Variants in RIMS2 observed in about 807,000 individuals in gnomAD.
RIMS2 encodes the protein regulating synaptic membrane exocytosis protein 2.
In RIMS2, 59 loss-of-function variants were observed where a neutral mutation model predicts 174.4. That is an observed-to-expected ratio of 0.34 (90% CI 0.27 to 0.42). The LOEUF (loss-of-function observed/expected upper bound fraction) is 0.42. RIMS2 is among the 10% of genes least tolerant of loss of function. The probability of loss-of-function intolerance (pLI) is 1.00; values close to 1 mark genes in which losing one functional copy is unlikely to be tolerated. For synonymous variants in RIMS2, 606 were observed against 572.5 expected (o/e 1.06, Z -0.84); for missense variants, 1,620 against 1,666.3 (o/e 0.97, Z 0.48).
At chr8:103,822,084 G>GA (rs11451973) in intron 3 of RIMS2, among the ~76,000 whole-genome samples, 115,490 of 151,366 alleles carry the variant, frequency 0.76, 44,189 homozygotes, top group East Asian at 0.88. Context: ...TAAATTGATA[G>GA]AAAAAAGCCA....
intron 19 of RIMS2, among the ~76,000 whole-genome samples, chr8:104,229,970 A>G (rs376409862): frequency 2.0e-5 from 3 of 152,164 alleles, no homozygotes; most frequent in Non-Finnish European, 4.4e-5. Flanking sequence ...AAAGGATTTG[A>G]AGTACCATTT....
intron 1 of RIMS2, among the ~76,000 whole-genome samples, chr8:103,660,217 C>T (rs999868889): frequency 1.2e-4 from 19 of 152,210 alleles, no homozygotes; most frequent in Non-Finnish European, 2.6e-4. Context: ...CTGGCCACTG[C>T]ATATCATGGC....
At chr8:103,757,399 C>A (rs1309248053) in intron 2 of RIMS2, among the ~76,000 whole-genome samples, 2 of 151,988 alleles carry the variant, frequency 1.3e-5, no homozygotes, top group Non-Finnish European at 2.9e-5. Context: ...ACTATTCTTG[C>A]ATCTTTGGTT....
chr8:104,107,650 T>C (rs1052434248), intron 19 of RIMS2, among the ~76,000 whole-genome samples: 6 of 152,214 alleles, frequency 3.9e-5, no homozygotes, highest in Non-Finnish European at 7.4e-5. Flanking sequence ...CAAAAGTTTT[T>C]AAATAGTCCA....
At chr8:103,834,070 G>A (rs2098842378) in intron 3 of RIMS2, among the ~76,000 whole-genome samples, 1 of 151,932 alleles carries the variant, frequency 6.6e-6, no homozygotes, top group Admixed American at 6.6e-5. Context: ...AGTGCAGTCT[G>A]GTGATCAGAG....
chr8:104,173,593 T>C (rs551761652), intron 19 of RIMS2, among the ~76,000 whole-genome samples: 30 of 149,212 alleles, frequency 2.0e-4, no homozygotes, highest in African/African-American at 6.6e-4. Context: ...CTTAAAATAT[T>C]TACTACCTTA....
intron 19 of RIMS2, among the ~76,000 whole-genome samples, chr8:104,237,372 T>TC (rs1176913806): frequency 6.6e-6 from 1 of 152,166 alleles, no homozygotes; most frequent in East Asian, 1.9e-4. Flanking sequence ...CCACTACTTG[T>TC]CCATTGAGAG....
chr8:103,599,809 T>C (rs1393014029), intron 1 of RIMS2, among the ~76,000 whole-genome samples: 1 of 152,106 alleles, frequency 6.6e-6, no homozygotes, highest in African/African-American at 2.4e-5. Flanking sequence ...ACATGAGATA[T>C]TTTGATAAAG....
intron 4 of RIMS2, among the ~76,000 whole-genome samples, chr8:103,894,754 A>G (rs1355177294): frequency 6.6e-6 from 1 of 151,644 alleles, no homozygotes; most frequent in Non-Finnish European, 1.5e-5. Flanking sequence ...AGTTTCATCA[A>G]TAAAAATTGT....
At chr8:103,774,721 A>G (rs1179903822) in intron 3 of RIMS2, among the ~76,000 whole-genome samples, 1 of 152,184 alleles carries the variant, frequency 6.6e-6, no homozygotes, top group African/African-American at 2.4e-5. Flanking sequence ...TCAAGAAGAG[A>G]TAAAACAAAT....
chr8:104,041,934 A>G (rs1208794923), intron 19 of RIMS2, among the ~76,000 whole-genome samples: 5 of 151,602 alleles, frequency 3.3e-5, no homozygotes, highest in Non-Finnish European at 7.4e-5. Flanking sequence ...TCAACTAGAC[A>G]GTCAGAAAAA....
At chr8:103,757,765 CACAA>C (rs1268546284) in intron 2 of RIMS2, among the ~76,000 whole-genome samples, 2 of 152,138 alleles carry the variant, frequency 1.3e-5, no homozygotes, top group South Asian at 2.1e-4. Context: ...TGTATCTGTG[CACAA>C]ACACAGAAGA....
intron 19 of RIMS2, 46 bp downstream of exon 22, chr8:104,041,404 T>C (rs1308343616): frequency 3.0e-6 from 2 of 677,922 alleles, no homozygotes; most frequent in Non-Finnish European, 5.4e-6. Flanking sequence ...TTATCTAACT[T>C]GTCCTAGAAA....
At chr8:103,976,548 C>CTTTTTCTTTTTTTTTTTTTTTTTTTTT (rs1555075311) in intron 16 of RIMS2, 1 of 124,568 alleles carries the variant, frequency 8.0e-6, no homozygotes, top group African/African-American at 3.2e-5. Context: ...TTTTCTTTTT[C>CTTTTTCTTTTTTTTTTTTTTTTTTTTT]TTTTTTTTTT....
intron 3 of RIMS2, among the ~76,000 whole-genome samples, chr8:103,837,464 C>T (rs2098905497): frequency 6.6e-6 from 1 of 152,298 alleles, no homozygotes; most frequent in Admixed American, 6.5e-5. Context: ...TGTTGGTGTG[C>T]TGCACCCATT....
chr8:104,248,809 A>C (rs1301982941), exon 21 of RIMS2: 1 of 1,498,422 alleles, frequency 6.7e-7, no homozygotes, highest in Non-Finnish European at 9.3e-7. Flanking sequence ...CAACACCTGC[A>C]ATGGGTAAGA....
intron 19 of RIMS2, among the ~76,000 whole-genome samples, chr8:104,032,343 A>C (rs1047832376): frequency 2.6e-5 from 4 of 152,104 alleles, no homozygotes; most frequent in African/African-American, 7.2e-5. Context: ...GAATTGAAAC[A>C]AAGTGTTTTT....
intron 4 of RIMS2, among the ~76,000 whole-genome samples, chr8:103,902,441 A>G (rs1411689992): frequency 1.3e-5 from 2 of 152,148 alleles, no homozygotes; most frequent in African/African-American, 4.8e-5. Context: ...CATGAATACC[A>G]TGAGGTGGGG....
chr8:103,515,588 G>A (rs937190683), intron 1 of RIMS2, among the ~76,000 whole-genome samples: 1 of 152,066 alleles, frequency 6.6e-6, no homozygotes, highest in African/African-American at 2.4e-5. Context: ...GATTGAAGCA[G>A]CTTGGAATTG....
Sources: gnomAD v4.1 joint callset for allele counts (sites outside exome capture counted in the v4.1 genomes callset) on GRCh38, gnomAD v4.1.1 for gene constraint, MANE v1.5 for transcripts, NCBI Gene and HGNC (gene_info 2026-07-23, HGNC 2026-07-21) for gene names.